MAP3K2: variants seen among roughly 807,000 people sequenced by gnomAD.
MAP3K2 encodes the protein MAP/ERK kinase kinase 2.
MAP3K2 carries 24 observed loss-of-function variants against 80.3 expected under a neutral mutation model. The ratio of observed to expected loss-of-function variants is 0.30; its 90% confidence interval spans 0.22 to 0.42. The LOEUF is 0.42. MAP3K2 is among the 10% of genes least tolerant of loss of function. MAP3K2 has a pLI of 1.00. For synonymous variants in MAP3K2, 244 were observed against 253.7 expected (o/e 0.96, Z 0.36); for missense variants, 608 against 750.1 (o/e 0.81, Z 2.21).
At chr2:127,320,193 A>G (rs557014494) in intron 12 of MAP3K2, among the ~76,000 whole-genome samples, 1 of 152,368 alleles carries the variant, frequency 6.6e-6, no homozygotes, top group South Asian at 2.1e-4. Context: ...CAGGAGGTTC[A>G]GAAGGGAAAT....
chr2:127,362,467 G>A (rs567198787), intron 1 of MAP3K2, among the ~76,000 whole-genome samples: 7 of 152,162 alleles, frequency 4.6e-5, no homozygotes, highest in African/African-American at 9.7e-5. Flanking sequence ...CTGAGAATGC[G>A]GGGGAATTTG....
At chr2:127,366,491 A>G (rs1242485807) in intron 1 of MAP3K2, among the ~76,000 whole-genome samples, 1 of 152,174 alleles carries the variant, frequency 6.6e-6, no homozygotes, top group Non-Finnish European at 1.5e-5. Context: ...ACAAGAAATA[A>G]AAAATTCTGA....
rs183382747 is a variant in MAP3K2, at chr2:127,355,808, T to C, written c.-65-12614A>G. On this transcript the variant is annotated intron_variant, in intron 1 of 16. Transcript: ENST00000682094. ...CTGTTTGATAAAATTTTACCCACCA[T>C]AGAACTTTTTCCAAAATAGGAATCA... Among the ~76,000 whole-genome samples, 39 of 152,306 alleles carry C rather than the reference T, an allele frequency of 2.6e-4. 1 individual carries two copies. Among genetic ancestry groups the C allele is most frequent in the Admixed American group, 7.8e-4 (12 of 15,302 alleles).
At chr2:127,344,053 T>C (rs1431891994) in intron 1 of MAP3K2, among the ~76,000 whole-genome samples, 5 of 151,956 alleles carry the variant, frequency 3.3e-5, no homozygotes, top group African/African-American at 1.2e-4. Flanking sequence ...TAAGTTGATA[T>C]TACCTCAAAC....
At chr2:127,359,707 C>G (rs997311526) in intron 1 of MAP3K2, among the ~76,000 whole-genome samples, 3 of 152,120 alleles carry the variant, frequency 2.0e-5, no homozygotes, top group African/African-American at 7.2e-5. Flanking sequence ...TAGTGCTGCT[C>G]TCCTGGTGGT....
chr2:127,387,441 C>A lies in MAP3K2; in HGVS notation c.-66+11G>T, dbSNP rs1687385952. The A allele has an allele frequency of 5.1e-6, 5 of 982,138 alleles. No homozygotes were observed. Among genetic ancestry groups the A allele is most frequent in the Non-Finnish European group, 6.0e-6 (5 of 829,130 alleles). 60.8% of individuals were successfully genotyped at this position (982,138 alleles called of 1,614,324 possible). A position where few individuals can be genotyped will look rare whatever the true frequency, so the allele number is the denominator to read the frequency against. On this transcript the variant is annotated intron_variant, in intron 1 of 16. Transcript: ENST00000682094. ...ACACACAAGCGCGCGCGCACGCACACACGCACGTACCGGCTGCTCCGCAGG... is the reference window on the plus strand; with the variant it reads ...ACACACAAGCGCGCGCGCACGCACAAACGCACGTACCGGCTGCTCCGCAGG...
intron 1 of MAP3K2, among the ~76,000 whole-genome samples, chr2:127,359,809 T>C (rs1008561936): frequency 6.6e-6 from 1 of 152,144 alleles, no homozygotes; most frequent in African/African-American, 2.4e-5. Context: ...GGCTCCCCCT[T>C]CGCCTTCTGC....
chr2:127,317,998 G>A (rs1685939935), intron 13 of MAP3K2, among the ~76,000 whole-genome samples, 171 bp downstream of exon 13: 1 of 146,356 alleles, frequency 6.8e-6, no homozygotes, highest in Non-Finnish European at 1.5e-5. Flanking sequence ...TTAAAAAATA[G>A]ACAAACATAT....
At position 127,303,402 on chromosome 2, in the gene MAP3K2, TGGGTTTTGCAGTAAGA is replaced by T. The variant is rs747074309; in HGVS notation, c.*4161_*4176del. 1 of 151,274 alleles carries T rather than the reference TGGGTTTTGCAGTAAGA, an allele frequency of 6.6e-6. No homozygotes were observed. Among genetic ancestry groups the T allele is most frequent in the Non-Finnish European group, 1.5e-5 (1 of 67,860 alleles). 9.4% of individuals were successfully genotyped at this position (151,274 alleles called of 1,614,324 possible). On this transcript the variant is annotated 3_prime_UTR_variant, in exon 17 of 17. Coordinates refer to ENST00000682094, the MANE Select transcript of MAP3K2 (RefSeq NM_001371910.2). ...ATCACCAGAACTGTTGAGTAGAGGC[TGGGTTTTGCAGTAAGA>T]GGGGGTCCTGAGAGAGATGCTATGT...
At position 127,326,836 on chromosome 2, in the gene MAP3K2, T is replaced by G. The variant is rs1686150506; in HGVS notation, c.467-19A>C. The G allele has an allele frequency of 3.3e-6, 5 of 1,503,928 alleles. No homozygotes were observed. Among genetic ancestry groups the G allele is most frequent in the South Asian group, 1.3e-5 (1 of 76,180 alleles). 93.2% of individuals were successfully genotyped at this position (1,503,928 alleles called of 1,614,324 possible). On this transcript the variant is annotated intron_variant, in intron 7 of 16. Transcript: ENST00000682094. ...GTAGGACCTCAAGGAAGAAAAATAA[T>G]GTAATTTATAATTATAGGCAAGGGA... is the stretch of plus-strand genomic sequence containing the variant.
intron 5 of MAP3K2, among the ~76,000 whole-genome samples, chr2:127,334,294 T>C (rs988348112): frequency 2.0e-5 from 3 of 152,092 alleles, no homozygotes; most frequent in Non-Finnish European, 2.9e-5. Flanking sequence ...AGGCTGTAGA[T>C]AAAGACAATA....
intron 5 of MAP3K2, among the ~76,000 whole-genome samples, chr2:127,332,173 C>A (rs1034379528): frequency 2.6e-5 from 4 of 152,180 alleles, no homozygotes; most frequent in South Asian, 2.1e-4. Context: ...AAACACATTT[C>A]TATTTCCCAC....
chr2:127,344,488 CAAAA>C (rs10611311), intron 1 of MAP3K2, among the ~76,000 whole-genome samples: 40 of 129,096 alleles, frequency 3.1e-4, no homozygotes, highest in Non-Finnish European at 3.1e-4. Context: ...CCATTTCCAC[CAAAA>C]AAAAAAAAAA....
intron 1 of MAP3K2, among the ~76,000 whole-genome samples, chr2:127,384,136 C>A (rs1687301915): frequency 6.6e-6 from 1 of 151,472 alleles, no homozygotes; most frequent in African/African-American, 2.4e-5. Flanking sequence ...ACCTCGTGAT[C>A]TGCCCGCCTC....
rs569464204 is a variant in MAP3K2, at chr2:127,344,832, C to A, written c.-65-1638G>T. Reference sequence around the variant, plus strand: ...AATCCAAAAAACTTCTGGTCCCAAACATTTTGACCTGAATATGTTGCCTAC... The same window carrying A: ...AATCCAAAAAACTTCTGGTCCCAAAAATTTTGACCTGAATATGTTGCCTAC... On this transcript the variant is annotated intron_variant, in intron 1 of 16. Transcript: ENST00000682094. Among the ~76,000 whole-genome samples the A allele has an allele frequency of 4.7e-4, 71 of 152,246 alleles. 1 individual carries two copies. Among genetic ancestry groups the A allele is most frequent in the African/African-American group, 1.6e-3 (66 of 41,542 alleles).
intron 1 of MAP3K2, among the ~76,000 whole-genome samples, chr2:127,383,501 GCTC>G (rs764429115): frequency 1.3e-5 from 2 of 152,118 alleles, no homozygotes; most frequent in African/African-American, 2.4e-5. Context: ...GTATAGAAAT[GCTC>G]CTCATTTTTG....
chr2:127,380,953 T>C (rs1312105615), intron 1 of MAP3K2, among the ~76,000 whole-genome samples: 1 of 152,236 alleles, frequency 6.6e-6, no homozygotes, highest in Non-Finnish European at 1.5e-5. Flanking sequence ...TCATCAGAAA[T>C]TCATTCTTTA....
chr2:127,385,559 T>C (rs1008913902), intron 1 of MAP3K2, among the ~76,000 whole-genome samples: 3 of 152,232 alleles, frequency 2.0e-5, no homozygotes, highest in Admixed American at 1.3e-4. Context: ...CTCTAAGGTA[T>C]GCCTGTACAT....
chr2:127,367,685 C>T (rs988179981), intron 1 of MAP3K2, among the ~76,000 whole-genome samples: 2 of 151,890 alleles, frequency 1.3e-5, no homozygotes, highest in Non-Finnish European at 2.9e-5. Context: ...CCCAGCTACT[C>T]GGGAGGCTGA....
Sources: gnomAD v4.1 joint callset for allele counts (sites outside exome capture counted in the v4.1 genomes callset) on GRCh38, gnomAD v4.1.1 for gene constraint, MANE v1.5 for transcripts, NCBI Gene and HGNC (gene_info 2026-07-23, HGNC 2026-07-21) for gene names.